The following ATP10A variants were observed in gnomAD, a reference collection of about 807,000 sequenced individuals.
The protein encoded by ATP10A is phospholipid-transporting ATPase VA.
Under a neutral mutation model 147.8 loss-of-function variants are expected in ATP10A, and 111 were observed. The observed-to-expected ratio is 0.75, with a 90% CI of 0.64 to 0.88. The LOEUF (loss-of-function observed/expected upper bound fraction) is 0.88, where lower values mean the gene tolerates loss of function less well. Ranked by LOEUF, ATP10A falls within the 40% of genes least tolerant of loss-of-function variation. ATP10A has a pLI of 0.00. For synonymous variants in ATP10A, 875 were observed against 841.6 expected (o/e 1.04, Z -0.69); for missense variants, 1,927 against 1,959.0 (o/e 0.98, Z 0.31).
At chr15:25,827,104 T>G (rs11161234) in intron 1 of ATP10A, among the ~76,000 whole-genome samples, 142,548 of 152,258 alleles carry the variant, frequency 0.94, 67,213 homozygotes, top group Non-Finnish European at 1. Context: ...AAGGACAAAA[T>G]GGAGTCAGGT....
At chr15:25,825,337 T>C (rs539326299) in intron 1 of ATP10A, among the ~76,000 whole-genome samples, 1 of 152,184 alleles carries the variant, frequency 6.6e-6, no homozygotes, top group East Asian at 1.9e-4. Context: ...ACAGAGGGCT[T>C]TGAAACTCCA....
intron 16 of ATP10A, among the ~76,000 whole-genome samples, chr15:25,685,780 C>T (rs183210927): frequency 6.7e-6 from 1 of 149,576 alleles, no homozygotes; most frequent in African/African-American, 2.5e-5. Context: ...GCTAGAGTGG[C>T]GCCACTGCAC....
intron 3 of ATP10A, among the ~76,000 whole-genome samples, chr15:25,733,357 G>A (rs1332431264): frequency 6.6e-6 from 1 of 152,088 alleles, no homozygotes; most frequent in Non-Finnish European, 1.5e-5. Context: ...TGCTTGGGAC[G>A]GATAGCGTTA....
chr15:25,795,684 C>G lies in ATP10A; in HGVS notation c.450-14461G>C, dbSNP rs547585221. Among the ~76,000 whole-genome samples the G allele has an allele frequency of 3.3e-5, 5 of 152,328 alleles. No individual in the cohort carries two copies. In the East Asian group the frequency reaches 9.7e-4, roughly 29 times the overall value. On this transcript the variant is annotated intron_variant, in intron 1 of 20. Coordinates refer to ENST00000555815, the MANE Select transcript of ATP10A (RefSeq NM_024490.4). The stretch of plus-strand genomic sequence containing the variant: ...CTTTAGATATCATTTTATTCCTTCA[C>G]TCTGCAGTCCTGTGTAATAATACAC...
intron 1 of ATP10A, among the ~76,000 whole-genome samples, chr15:25,833,213 C>T (rs2140874970): frequency 6.6e-6 from 1 of 152,140 alleles, no homozygotes; most frequent in South Asian, 2.1e-4. Context: ...GAACTGCTGG[C>T]CTCAGGCAAT....
At chr15:25,714,310 C>T in intron 9 of ATP10A, 69 bp from the exon 10 acceptor site, 2 of 1,446,722 alleles carry the variant, frequency 1.4e-6, no homozygotes, top group Non-Finnish European at 1.9e-6. Flanking sequence ...ACCCTGGTTC[C>T]CACAGGATGC....
intron 1 of ATP10A, among the ~76,000 whole-genome samples, chr15:25,790,696 CTTAG>C (rs1890374935): frequency 6.6e-6 from 1 of 152,208 alleles, no homozygotes; most frequent in South Asian, 2.1e-4. Context: ...TTACAAACCT[CTTAG>C]TAAGTTTTAA....
At chr15:25,683,866 G>C (rs1397205866) in intron 16 of ATP10A, 1 of 201,064 alleles carries the variant, frequency 5.0e-6, no homozygotes, top group African/African-American at 2.3e-5. Context: ...ATGAGCTGTG[G>C]CATCTTCCCT....
chr15:25,787,097 C>T (rs576950247), intron 1 of ATP10A, among the ~76,000 whole-genome samples: 54 of 152,146 alleles, frequency 3.5e-4, no homozygotes, highest in African/African-American at 1.2e-3. Flanking sequence ...AAACCAAACG[C>T]GCAGAGACTG....
rs375052681 is a variant in ATP10A, at chr15:25,782,408, C to A, written c.450-1185G>T. ...GTACACTTAAAAATAGTTGAAATGG[C>A]AGATTTTATGTGCATTTTATAATTT... On this transcript the variant is annotated intron_variant, in intron 1 of 20. Coordinates refer to ENST00000555815, the MANE Select transcript of ATP10A (RefSeq NM_024490.4). Among the ~76,000 whole-genome samples the A allele has an allele frequency of 3.1e-4, 47 of 152,242 alleles. 1 individual carries two copies. The East Asian group carries it at 3.3e-3, about 11-fold the overall frequency.
rs1466234886 is a variant in ATP10A at position 25,679,432 on chromosome 15, C to A, written c.4409G>T (p.Gly1470Val). 1 of 1,613,954 alleles carries A rather than the reference C, an allele frequency of 6.2e-7. No individual in the cohort carries two copies. The highest frequency in any genetic ancestry group is 8.5e-7 in the Non-Finnish European group (1 of 1,179,910). Residue 1470 changes from glycine to valine, a missense_variant, in exon 21 of 21, where the codon GGA becomes GTA. By Grantham distance (109) the Gly-to-Val change is moderately radical. Coordinates refer to ENST00000555815, the MANE Select transcript of ATP10A (RefSeq NM_024490.4). ...EQLADGQAGR[G>V]LPVQPHSGRS... Reference sequence around the variant, plus strand: ...GCCTGAGTGGGGCTGGACAGGAAGTCCACGTCCCGCTTGTCCATCTGCAAG... The same window carrying A: ...GCCTGAGTGGGGCTGGACAGGAAGTACACGTCCCGCTTGTCCATCTGCAAG...
In ATP10A at chr15:25,845,735, C is replaced by T. The variant is rs116706693; in HGVS notation, c.449+16913G>A. Reference sequence around the variant, plus strand: ...GTCCTGAGAGCAGCACAAATGCTACCGTGGGAGGGTCCCCAGGGTGCATGC... The same window carrying T: ...GTCCTGAGAGCAGCACAAATGCTACTGTGGGAGGGTCCCCAGGGTGCATGC... On this transcript the variant is annotated intron_variant, in intron 1 of 20. Coordinates refer to ENST00000555815, the MANE Select transcript of ATP10A (RefSeq NM_024490.4). Among the ~76,000 whole-genome samples the T allele has an allele frequency of 1.4e-3, 214 of 152,218 alleles. 1 individual carries two copies. The highest frequency in any genetic ancestry group is 4.7e-3 in the African/African-American group (196 of 41,544).
chr15:25,803,762 T>A (rs928798084), intron 1 of ATP10A, among the ~76,000 whole-genome samples: 1 of 152,166 alleles, frequency 6.6e-6, no homozygotes, highest in Non-Finnish European at 1.5e-5. Flanking sequence ...TGACACCCAG[T>A]CTTTACCATG....
chr15:25,773,785 TAC>T (rs1889463380), intron 2 of ATP10A, among the ~76,000 whole-genome samples: 1 of 150,880 alleles, frequency 6.6e-6, no homozygotes, highest in Admixed American at 6.7e-5. Context: ...CCTGTCTGCA[TAC>T]ACACTCACAC....
intron 1 of ATP10A, among the ~76,000 whole-genome samples, chr15:25,852,162 C>CCACCCTCCTTCCAATTTAATGT (rs1367728566): frequency 3.3e-5 from 5 of 151,788 alleles, no homozygotes; most frequent in African/African-American, 1.2e-4. Context: ...CTATTGAATG[C>CCACCCTCCTTCCAATTTAATGT]CACCCTCCTT....
At chr15:25,674,354 G>A (rs1039915940), downstream of ATP10A, among the ~76,000 whole-genome samples, 1 of 152,086 alleles carries the variant, frequency 6.6e-6, no homozygotes, top group Admixed American at 6.5e-5. Flanking sequence ...GGAGATTCAG[G>A]ATGAGAAAGA....
At chr15:25,680,772 G>C in intron 19 of ATP10A, 38 bp downstream of exon 19, 1 of 1,562,854 alleles carries the variant, frequency 6.4e-7, no homozygotes, top group Non-Finnish European at 8.8e-7. Context: ...CACGGCATCA[G>C]TGCTCTTCTG....
intron 3 of ATP10A, among the ~76,000 whole-genome samples, chr15:25,731,628 G>A (rs952244575): frequency 1.3e-5 from 2 of 152,156 alleles, no homozygotes; most frequent in African/African-American, 4.8e-5. Flanking sequence ...ACATCTCAGG[G>A]TTGGGGCTAA....
In ATP10A at chr15:25,796,717, GA is replaced by G. The variant is rs370935682; in HGVS notation, c.450-15495del. Among the ~76,000 whole-genome samples, 22 of 152,352 alleles carry G rather than the reference GA, an allele frequency of 1.4e-4. No homozygotes were observed. The East Asian group carries it at 2.3e-3, about 16-fold the overall frequency. On this transcript the variant is annotated intron_variant, in intron 1 of 20. Transcript: ENST00000555815. ...GTCCTGGGCAGGTGCTACCTGCCTG[GA>G]ACCTGCCGGATATCCCTCTGGGATG...
Sources: gnomAD v4.1 joint callset for allele counts (sites outside exome capture counted in the v4.1 genomes callset) on GRCh38, gnomAD v4.1.1 for gene constraint, MANE v1.5 for transcripts, NCBI Gene and HGNC (gene_info 2026-07-23, HGNC 2026-07-21) for gene names.